The following CELF4 variants were observed in gnomAD, a reference collection of about 807,000 sequenced individuals.
CELF4 encodes CUGBP Elav-like family member 4, also known as CUG-BP- and ETR-3-like factor 4.
A neutral mutation model predicts 59.9 loss-of-function variants in CELF4; 18 were observed. The observed-to-expected ratio is 0.30, with a 90% CI of 0.21 to 0.45. The LOEUF (loss-of-function observed/expected upper bound fraction) is 0.45, where lower values mean the gene tolerates loss of function less well. CELF4 is among the 20% of genes least tolerant of loss of function. The pLI, the probability that CELF4 is intolerant of heterozygous loss-of-function variation, is 1.00. For missense variants in CELF4, 456 were observed against 689.0 expected (o/e 0.66, Z 3.79); for synonymous variants, 261 against 267.1 (o/e 0.98, Z 0.22).
chr18:37,459,317 A>C (rs919336126), intron 2 of CELF4, among the ~76,000 whole-genome samples: 1 of 152,174 alleles, frequency 6.6e-6, no homozygotes, highest in Non-Finnish European at 1.5e-5. Flanking sequence ...CTCTAAAGCC[A>C]AAATGCTCTG....
At chr18:37,355,052 T>G (rs1490187500) in intron 2 of CELF4, among the ~76,000 whole-genome samples, 1 of 152,244 alleles carries the variant, frequency 6.6e-6, no homozygotes, top group African/African-American at 2.4e-5. Flanking sequence ...TGTGTGTATA[T>G]GTGTACACGC....
At chr18:37,347,324 C>T (rs764932960) in intron 2 of CELF4, among the ~76,000 whole-genome samples, 1 of 152,076 alleles carries the variant, frequency 6.6e-6, no homozygotes, top group East Asian at 1.9e-4. Context: ...AAGATTCATC[C>T]GAGGCCCTTG....
intron 2 of CELF4, among the ~76,000 whole-genome samples, chr18:37,396,072 C>T (rs1289723796): frequency 2.0e-5 from 3 of 152,226 alleles, no homozygotes; most frequent in Admixed American, 2.0e-4. Context: ...GTAAATCCAA[C>T]CCATGGTCCC....
chr18:37,268,522 G>T (rs980730761), intron 8 of CELF4, among the ~76,000 whole-genome samples: 13 of 152,236 alleles, frequency 8.5e-5, no homozygotes, highest in African/African-American at 3.1e-4. Context: ...TGCACGATTT[G>T]CATGGCAGCT....
chr18:37,284,650 G>C (rs376441849), intron 3 of CELF4, among the ~76,000 whole-genome samples: 4 of 152,154 alleles, frequency 2.6e-5, no homozygotes, highest in Non-Finnish European at 5.9e-5. Flanking sequence ...TCCCTCCCCC[G>C]AGCTTGAGAT....
intron 2 of CELF4, among the ~76,000 whole-genome samples, chr18:37,352,623 A>T (rs867971027): frequency 3.2e-4 from 49 of 152,124 alleles, no homozygotes; most frequent in African/African-American, 6.0e-4. Context: ...AAAAAAAAGA[A>T]TTTTAAGTAT....
chr18:37,279,805 G>T (rs2093890598), intron 3 of CELF4, among the ~76,000 whole-genome samples: 1 of 152,216 alleles, frequency 6.6e-6, no homozygotes, highest in Non-Finnish European at 1.5e-5. Context: ...AACACCAAGG[G>T]TTTCATGCTT....
At chr18:37,478,259 G>A (rs905943075) in intron 2 of CELF4, among the ~76,000 whole-genome samples, 5 of 152,178 alleles carry the variant, frequency 3.3e-5, no homozygotes, top group Admixed American at 6.6e-5. Context: ...GGGAGGGTCC[G>A]GGCTCATTGC....
chr18:37,529,856 C>G (rs1036638868), intron 1 of CELF4, among the ~76,000 whole-genome samples: 1 of 152,188 alleles, frequency 6.6e-6, no homozygotes, highest in Non-Finnish European at 1.5e-5. Flanking sequence ...GGACTTCACC[C>G]ACAGACATTC....
intron 1 of CELF4, among the ~76,000 whole-genome samples, chr18:37,493,786 T>A (rs1312570755): frequency 6.6e-6 from 1 of 152,160 alleles, no homozygotes; most frequent in African/African-American, 2.4e-5. Context: ...CCCTTGGCCA[T>A]GCATTCTTCT....
chr18:37,292,177 T>TTG lies in CELF4; in HGVS notation c.449-16935_449-16934insCA, dbSNP rs2095379375. 2.6e-5 allele frequency among the ~76,000 whole-genome samples: 4 copies of TTG among 151,818 alleles called. No homozygotes were observed. In the South Asian group the frequency reaches 8.3e-4, roughly 32 times the overall value. ...GCCTCCAGAACTGTGAGAAATCGATTTATTGTTGATAAGCTACCTGGTTTA... is the reference window on the plus strand; with the variant it reads ...GCCTCCAGAACTGTGAGAAATCGATTTGTATTGTTGATAAGCTACCTGGTTTA... On this transcript the variant is annotated intron_variant, in intron 3 of 12. Coordinates refer to ENST00000420428, the MANE Select transcript of CELF4 (RefSeq NM_020180.4).
intron 3 of CELF4, among the ~76,000 whole-genome samples, chr18:37,286,497 G>A (rs2094789857): frequency 2.0e-5 from 3 of 152,258 alleles, no homozygotes; most frequent in South Asian, 4.1e-4. Flanking sequence ...GGTGCCTCCC[G>A]CCATCGCCAG....
chr18:37,303,714 G>A (rs531741622), intron 3 of CELF4, among the ~76,000 whole-genome samples: 17 of 152,316 alleles, frequency 1.1e-4, no homozygotes, highest in South Asian at 2.1e-4. Flanking sequence ...GCATGGAAGC[G>A]TCCTCCAAAA....
At chr18:37,271,457 T>C (rs1318566348) in intron 7 of CELF4, among the ~76,000 whole-genome samples, 1 of 152,120 alleles carries the variant, frequency 6.6e-6, no homozygotes, top group Admixed American at 6.5e-5. Context: ...GGTTTCGCCA[T>C]GTTGGCCAAG....
chr18:37,374,887 G>A (rs2098948261), intron 2 of CELF4, among the ~76,000 whole-genome samples: 1 of 152,196 alleles, frequency 6.6e-6, no homozygotes, highest in South Asian at 2.1e-4. Context: ...AGGTTATGAG[G>A]TCATGTAGTT....
At chr18:37,371,657 T>C (rs1467729686) in intron 2 of CELF4, among the ~76,000 whole-genome samples, 1 of 152,216 alleles carries the variant, frequency 6.6e-6, no homozygotes, top group African/African-American at 2.4e-5. Flanking sequence ...AGGCATGGTC[T>C]TGCCACCAGG....
At chr18:37,288,733 C>G (rs912319849) in intron 3 of CELF4, among the ~76,000 whole-genome samples, 2 of 152,140 alleles carry the variant, frequency 1.3e-5, no homozygotes, top group African/African-American at 4.8e-5. Context: ...TTGATTCTTT[C>G]TAATGACTAA....
intron 3 of CELF4, among the ~76,000 whole-genome samples, chr18:37,314,855 C>T (rs917831683): frequency 1.3e-5 from 2 of 152,202 alleles, no homozygotes. Context: ...CTGATAGAAG[C>T]CCCTGAAGGA....
rs1247785821 is a variant in CELF4, at chr18:37,245,657, G to A, written c.*45-460C>T. On this transcript the variant is annotated intron_variant, in intron 12 of 12. Coordinates refer to ENST00000420428, the MANE Select transcript of CELF4 (RefSeq NM_020180.4). The surrounding 1 kb of genome is among the most constrained non-coding windows in gnomAD (Gnocchi z 4.1). ...CTCCCAGCTCAAGGGAAAGAAGGAA[G>A]ACACATCCGTGACTCAAATTTTGTA... 6.6e-6 allele frequency among the ~76,000 whole-genome samples: 1 copy of A among 152,206 alleles called. No homozygotes were observed. The highest frequency in any genetic ancestry group is 1.9e-4 in the East Asian group (1 of 5,174).
Sources: gnomAD v4.1 joint callset for allele counts (sites outside exome capture counted in the v4.1 genomes callset) on GRCh38, gnomAD v4.1.1 for gene constraint, Gnocchi (gnomAD v3.1) non-coding constraint, MANE v1.5 for transcripts, NCBI Gene and HGNC (gene_info 2026-07-23, HGNC 2026-07-21) for gene names.